DCDC2: variants seen among roughly 807,000 people sequenced by gnomAD.
DCDC2 encodes doublecortin domain-containing protein 2.
Under a neutral mutation model 50.2 loss-of-function variants are expected in DCDC2, and 40 were observed. The observed-to-expected ratio is 0.80, with a 90% CI of 0.62 to 1.04. The LOEUF is 1.04. DCDC2 is among the 50% of genes least tolerant of loss of function. The pLI, the probability that DCDC2 is intolerant of heterozygous loss-of-function variation, is 0.00. For missense variants in DCDC2, 570 were observed against 581.9 expected, an observed-to-expected ratio of 0.98 and a Z score of 0.21; for synonymous variants, 234 against 210.6, an observed-to-expected ratio of 1.11 and a Z score of -0.96.
chr6:24,312,188 C>A (rs184686967), intron 2 of DCDC2, among the ~76,000 whole-genome samples: 1 of 147,608 alleles, frequency 6.8e-6, no homozygotes, highest in Non-Finnish European at 1.5e-5. Flanking sequence ...CTACCCAAAT[C>A]CTGTAAAACT....
rs573549946 is a variant in DCDC2 at position 24,286,506 on chromosome 6, T to C, written c.759+2346A>G. Among the ~76,000 whole-genome samples, 7 of 151,282 alleles carry C rather than the reference T, an allele frequency of 4.6e-5. No individual in the cohort carries two copies. The South Asian group carries it at 1.5e-3, about 32-fold the overall frequency. Reference sequence around the variant, plus strand: ...TACTCAGGAGACTGAGGTGAGAGGATCGCTTGAGCCTGGGAGGTCAAGGCT... The same window carrying C: ...TACTCAGGAGACTGAGGTGAGAGGACCGCTTGAGCCTGGGAGGTCAAGGCT... On this transcript the variant is annotated intron_variant, in intron 6 of 9. Coordinates refer to ENST00000378454, the MANE Select transcript of DCDC2 (RefSeq NM_016356.5).
chr6:24,284,211 G>T (rs1763541713), intron 6 of DCDC2, among the ~76,000 whole-genome samples: 2 of 152,268 alleles, frequency 1.3e-5, no homozygotes, highest in South Asian at 4.1e-4. Flanking sequence ...CCACCTAGCG[G>T]ACTCACCTAT....
chr6:24,187,123 C>T (rs1761222351), intron 8 of DCDC2, among the ~76,000 whole-genome samples: 1 of 152,132 alleles, frequency 6.6e-6, no homozygotes. Context: ...AATACTCTTT[C>T]ACCTCCCTTC....
intron 2 of DCDC2, among the ~76,000 whole-genome samples, chr6:24,309,573 G>A (rs865828626): frequency 2.0e-5 from 3 of 152,020 alleles, no homozygotes; most frequent in South Asian, 2.1e-4. Flanking sequence ...AAGAGGCATA[G>A]CTAAAAAGCC....
chr6:24,328,247 T>C (rs1324335115), intron 2 of DCDC2, among the ~76,000 whole-genome samples: 1 of 152,206 alleles, frequency 6.6e-6, no homozygotes, highest in Non-Finnish European at 1.5e-5. Context: ...TGTTGACAAC[T>C]GAGGATTTTA....
At chr6:24,220,865 A>T (rs1411385709) in intron 7 of DCDC2, among the ~76,000 whole-genome samples, 1 of 135,652 alleles carries the variant, frequency 7.4e-6, no homozygotes, top group Non-Finnish European at 1.7e-5. Context: ...AGAGAGACAG[A>T]GAGCAAGAGA....
At chr6:24,241,136 T>C (rs746977241) in intron 7 of DCDC2, among the ~76,000 whole-genome samples, 5 of 152,220 alleles carry the variant, frequency 3.3e-5, no homozygotes, top group Non-Finnish European at 7.3e-5. Flanking sequence ...GGGTTAGATA[T>C]AGAGCTTCAT....
At chr6:24,212,164 T>C (rs1011916353) in intron 7 of DCDC2, among the ~76,000 whole-genome samples, 2 of 152,158 alleles carry the variant, frequency 1.3e-5, no homozygotes, top group Non-Finnish European at 2.9e-5. Flanking sequence ...TAATGTCTCA[T>C]GATCTGAGGT....
At chr6:24,298,472 T>C (rs1759307042) in intron 4 of DCDC2, among the ~76,000 whole-genome samples, 1 of 152,264 alleles carries the variant, frequency 6.6e-6, no homozygotes. Context: ...GGAGCCGGAA[T>C]GCCTACTAGG....
intron 8 of DCDC2, among the ~76,000 whole-genome samples, chr6:24,200,345 G>A (rs1761557202): frequency 6.6e-6 from 1 of 152,152 alleles, no homozygotes; most frequent in African/African-American, 2.4e-5. Flanking sequence ...AAGAGTGGGG[G>A]CCAATATTCA....
At chr6:24,229,586 A>C (rs1473732835) in intron 7 of DCDC2, among the ~76,000 whole-genome samples, 4 of 152,146 alleles carry the variant, frequency 2.6e-5, no homozygotes, top group African/African-American at 9.7e-5. Context: ...AAAATGCAAA[A>C]AATTTTCATG....
intron 7 of DCDC2, among the ~76,000 whole-genome samples, chr6:24,237,876 G>A (rs772608843): frequency 6.6e-6 from 1 of 151,608 alleles, no homozygotes; most frequent in Non-Finnish European, 1.5e-5. Flanking sequence ...CATTGAGTAT[G>A]CATAGACATA....
intron 2 of DCDC2, among the ~76,000 whole-genome samples, chr6:24,305,498 A>G (rs1419565752): frequency 6.6e-6 from 1 of 152,230 alleles, no homozygotes; most frequent in Non-Finnish European, 1.5e-5. Flanking sequence ...GTTTTTATAT[A>G]AAATGCATTT....
rs115880985 is a variant in DCDC2 at position 24,346,351 on chromosome 6, T to A, written c.348+7218A>T. On this transcript the variant is annotated intron_variant, in intron 2 of 9. Transcript: ENST00000378454. ...CCACAGGCTGGAGCCTGAATTGGCATATAAGGCCAAGGTATTTTTAAGAGT... is the reference window on the plus strand; with the variant it reads ...CCACAGGCTGGAGCCTGAATTGGCAAATAAGGCCAAGGTATTTTTAAGAGT... Among the ~76,000 whole-genome samples the A allele has an allele frequency of 1.5e-3, 228 of 152,162 alleles. 1 individual carries two copies. The highest frequency in any genetic ancestry group is 8.4e-4 in the Non-Finnish European group (57 of 68,010).
At chr6:24,305,491 T>G (rs1257895480) in intron 2 of DCDC2, among the ~76,000 whole-genome samples, 1 of 152,180 alleles carries the variant, frequency 6.6e-6, no homozygotes, top group Non-Finnish European at 1.5e-5. Context: ...AATACCAGTT[T>G]TTATATAAAA....
intron 2 of DCDC2, among the ~76,000 whole-genome samples, chr6:24,351,409 G>A (rs984944453): frequency 6.6e-6 from 1 of 152,202 alleles, no homozygotes; most frequent in Non-Finnish European, 1.5e-5. Flanking sequence ...GCATGAGTGA[G>A]TGGAAGATGC....
chr6:24,187,874 T>G (rs1340349327), intron 8 of DCDC2, among the ~76,000 whole-genome samples: 2 of 152,116 alleles, frequency 1.3e-5, no homozygotes, highest in Non-Finnish European at 2.9e-5. Context: ...ACAACAATTA[T>G]TTAAGAAAAA....
chr6:24,205,318 C>G, intron 7 of DCDC2: 1 of 1,530,012 alleles, frequency 6.5e-7, no homozygotes, highest in Non-Finnish European at 8.8e-7. Context: ...CAAGGCTGAC[C>G]CAGCAGGGTA....
intron 8 of DCDC2, among the ~76,000 whole-genome samples, chr6:24,194,929 G>A (rs1032976717): frequency 6.6e-6 from 1 of 152,142 alleles, no homozygotes; most frequent in Non-Finnish European, 1.5e-5. Flanking sequence ...GGGTTTGGAA[G>A]TACTACCAGG....
Sources: allele counts gnomAD v4.1 joint callset (sites outside exome capture counted in the v4.1 genomes callset), GRCh38; gene constraint gnomAD v4.1.1; transcripts MANE v1.5; gene names NCBI Gene and HGNC (gene_info 2026-07-23, HGNC 2026-07-21).